The following GDI2 variants were observed in gnomAD, a reference collection of about 807,000 sequenced individuals.
GDI2 encodes the protein GDP dissociation inhibitor 2.
A neutral mutation model predicts 54.2 loss-of-function variants in GDI2; 22 were observed. That is an observed-to-expected ratio of 0.41 (90% CI 0.29 to 0.58). The LOEUF (loss-of-function observed/expected upper bound fraction) is 0.58, where lower values mean the gene tolerates loss of function less well. Ranked by LOEUF, GDI2 falls within the 20% of genes least tolerant of loss-of-function variation. The pLI is 0.35. For missense variants in GDI2, 422 were observed against 546.0 expected (o/e 0.77, Z 2.26); for synonymous variants, 177 against 182.1 (o/e 0.97, Z 0.23).
chr10:5,783,017 ATTC>A (rs1284696907), intron 6 of GDI2, among the ~76,000 whole-genome samples: 2 of 152,230 alleles, frequency 1.3e-5, no homozygotes, highest in Non-Finnish European at 2.9e-5. Flanking sequence ...ATATTGTATT[ATTC>A]CTTTTACATG....
At chr10:5,779,236 G>T (rs1840695359) in intron 6 of GDI2, among the ~76,000 whole-genome samples, 1 of 152,116 alleles carries the variant, frequency 6.6e-6, no homozygotes, top group South Asian at 2.1e-4. Context: ...TATAGGCCGG[G>T]AACGGTGACT....
At chr10:5,803,210 G>T (rs1361905679) in intron 1 of GDI2, among the ~76,000 whole-genome samples, 1 of 152,152 alleles carries the variant, frequency 6.6e-6, no homozygotes, top group Non-Finnish European at 1.5e-5. Flanking sequence ...TTAAGCCCAG[G>T]AGTTGGATGG....
At chr10:5,780,305 A>C (rs1052074391) in intron 6 of GDI2, among the ~76,000 whole-genome samples, 1 of 151,852 alleles carries the variant, frequency 6.6e-6, no homozygotes, top group Non-Finnish European at 1.5e-5. Context: ...AAAAAAAAAA[A>C]AACTATAGAA....
intron 1 of GDI2, among the ~76,000 whole-genome samples, chr10:5,807,505 C>A (rs1841400712): frequency 6.6e-6 from 1 of 152,198 alleles, no homozygotes; most frequent in Non-Finnish European, 1.5e-5. Flanking sequence ...ACTTCAAACT[C>A]ACCTACAAAT....
intron 4 of GDI2, among the ~76,000 whole-genome samples, chr10:5,792,959 CAAAAAAAA>C (rs34475268): frequency 4.3e-5 from 4 of 92,012 alleles, no homozygotes; most frequent in Non-Finnish European, 7.2e-5. Flanking sequence ...GACCTTTGTC[CAAAAAAAA>C]AAAAAAAAAA....
At chr10:5,794,184 AAAAAATATATATATATATAT>A (rs1193583440) in intron 4 of GDI2, among the ~76,000 whole-genome samples, 2 of 52,710 alleles carry the variant, frequency 3.8e-5, no homozygotes, top group Admixed American at 2.9e-4. Flanking sequence ...AAAAAAAAAA[AAAAAATATATATATATATAT>A]ATATATATAT....
At chr10:5,800,303 AAAAT>A (rs1588985993) in intron 2 of GDI2, among the ~76,000 whole-genome samples, 2 of 152,312 alleles carry the variant, frequency 1.3e-5, no homozygotes, top group East Asian at 3.9e-4. Flanking sequence ...AGGGACTGAG[AAAAT>A]AAATAAAGCC....
Position 5,765,858 on chromosome 10 carries a change from G to C in GDI2, c.*148C>G. On this transcript the variant is annotated 3_prime_UTR_variant, in exon 11 of 11. Coordinates refer to ENST00000380191, the MANE Select transcript of GDI2 (RefSeq NM_001494.4). ...CTCCATGAAAACAAGTTAATAATTA[G>C]AAAGGTGAAGGGGAGTATTTACTGG... The C allele has an allele frequency of 1.7e-6, 1 of 580,456 alleles. No individual in the cohort carries two copies. Among genetic ancestry groups the C allele is most frequent in the Non-Finnish European group, 2.9e-6 (1 of 339,982 alleles). The allele number at this position is 580,456 out of a possible 1,614,324, so 36.0% of individuals were successfully genotyped here.
At chr10:5,801,692 G>T (rs1841272839) in intron 1 of GDI2, among the ~76,000 whole-genome samples, 1 of 151,578 alleles carries the variant, frequency 6.6e-6, no homozygotes, top group African/African-American at 2.4e-5. Context: ...CAAAAAAAAG[G>T]ATGTCCTTGA....
At chr10:5,775,036 C>T (rs1840587859) in intron 6 of GDI2, among the ~76,000 whole-genome samples, 1 of 152,202 alleles carries the variant, frequency 6.6e-6, no homozygotes, top group Non-Finnish European at 1.5e-5. Flanking sequence ...ACGCCTAATG[C>T]CACCACTTTG....
At chr10:5,802,809 A>C (rs1841298839) in intron 1 of GDI2, among the ~76,000 whole-genome samples, 1 of 152,216 alleles carries the variant, frequency 6.6e-6, no homozygotes, top group South Asian at 2.1e-4. Flanking sequence ...AAATTACAAA[A>C]TCACACAGGA....
chr10:5,808,193 T>A (rs1016915160), intron 1 of GDI2, among the ~76,000 whole-genome samples: 2 of 151,724 alleles, frequency 1.3e-5, no homozygotes, highest in East Asian at 1.9e-4. Context: ...CCAAACTACA[T>A]GCCTCCTGTA....
intron 1 of GDI2, among the ~76,000 whole-genome samples, chr10:5,806,876 T>C (rs753999732): frequency 3.9e-5 from 6 of 152,120 alleles, no homozygotes; most frequent in Non-Finnish European, 7.3e-5. Flanking sequence ...GCAAGCAAAT[T>C]GGAGTGTTGC....
chr10:5,775,926 G>A (rs911925948), intron 6 of GDI2: 16 of 160,550 alleles, frequency 1.0e-4, no homozygotes, highest in African/African-American at 1.4e-4. Context: ...CTCCCTCTGC[G>A]CCCCGCTGCT....
chr10:5,801,098 C>T (rs970080562), intron 1 of GDI2, among the ~76,000 whole-genome samples: 27 of 151,926 alleles, frequency 1.8e-4, no homozygotes, highest in Non-Finnish European at 2.9e-4. Flanking sequence ...ATTACAGGTG[C>T]CCGCCACCAC....
At chr10:5,770,650 T>G (rs1840466372) in intron 7 of GDI2, among the ~76,000 whole-genome samples, 1 of 151,996 alleles carries the variant, frequency 6.6e-6, no homozygotes, top group Non-Finnish European at 1.5e-5. Flanking sequence ...ACCACTGAAC[T>G]GTACACTTAA....
At chr10:5,784,691 T>C (rs1840833971) in intron 6 of GDI2, among the ~76,000 whole-genome samples, 1 of 152,242 alleles carries the variant, frequency 6.6e-6, no homozygotes, top group African/African-American at 2.4e-5. Flanking sequence ...GTGATTGTTA[T>C]TTCTCTTCTT....
intron 1 of GDI2, among the ~76,000 whole-genome samples, chr10:5,805,857 C>T (rs1426841568): frequency 6.6e-6 from 1 of 152,222 alleles, no homozygotes; most frequent in Admixed American, 6.5e-5. Context: ...GGTAAATTCT[C>T]AGGTGTTGCA....
Position 5,766,534 on chromosome 10 carries a change from T to G in GDI2, c.1096A>C (p.Ile366Leu). Residue 366 changes from isoleucine (I) to leucine (L), a missense_variant, in exon 9 of 11, where the codon ATC becomes CTC. Ile to Leu is a conservative substitution (Grantham distance 5). Coordinates refer to ENST00000380191, the MANE Select transcript of GDI2 (RefSeq NM_001494.4). The surrounding 1 kb of genome is among the most constrained non-coding windows in gnomAD (Gnocchi z 5.8). ...TCCAAGAGCTCCAAAGCTGGTCTGA[T>G]TTCCTTCTCAGGCTCCTTGGTTTCC... Reference protein sequence around the residue: ...TVETKEPEKEIRPALELLEPI... With the variant: ...TVETKEPEKELRPALELLEPI... 1 of 1,613,996 alleles carries G rather than the reference T, an allele frequency of 6.2e-7. No homozygotes were observed. The highest frequency in any genetic ancestry group is 8.5e-7 in the Non-Finnish European group (1 of 1,179,966).
Sources: allele counts gnomAD v4.1 joint callset (sites outside exome capture counted in the v4.1 genomes callset), GRCh38; gene constraint gnomAD v4.1.1; non-coding constraint Gnocchi (gnomAD v3.1); transcripts MANE v1.5; gene names NCBI Gene and HGNC (gene_info 2026-07-23, HGNC 2026-07-21).